HMGB1: variants seen among roughly 807,000 people sequenced by gnomAD.
The protein encoded by HMGB1 is high mobility group protein B1.
For synonymous variants in HMGB1, 81 were observed against 84.0 expected (o/e 0.96, Z 0.19); for missense variants, 79 against 253.5 (o/e 0.31, Z 4.67).
intron 1 of HMGB1, among the ~76,000 whole-genome samples, chr13:30,501,581 A>T (rs1467719328): frequency 2.0e-5 from 3 of 152,170 alleles, no homozygotes. Flanking sequence ...AATAGAAATT[A>T]AAAACTTCCA....
intron 1 of HMGB1, among the ~76,000 whole-genome samples, chr13:30,505,471 C>T (rs774732486): frequency 2.0e-5 from 3 of 152,094 alleles, no homozygotes; most frequent in South Asian, 4.1e-4. Context: ...AGCCACCGCG[C>T]CCAACCATTT....
intron 1 of HMGB1, among the ~76,000 whole-genome samples, chr13:30,565,580 TTAAC>T (rs1165026488): frequency 3.3e-5 from 5 of 152,214 alleles, no homozygotes; most frequent in African/African-American, 7.2e-5. Context: ...TTGTCAATTT[TTAAC>T]GCATAAGCAA....
At chr13:30,526,317 A>G (rs1888366179) in intron 1 of HMGB1, among the ~76,000 whole-genome samples, 1 of 152,234 alleles carries the variant, frequency 6.6e-6, no homozygotes, top group Non-Finnish European at 1.5e-5. Context: ...TCGGCCTCCC[A>G]AAGTGCTGGG....
intron 1 of HMGB1, among the ~76,000 whole-genome samples, chr13:30,604,347 A>C (rs1438251987): frequency 6.6e-6 from 1 of 152,206 alleles, no homozygotes; most frequent in Non-Finnish European, 1.5e-5. Flanking sequence ...AAGCAGAAAC[A>C]ATAGGAGGGT....
chr13:30,477,184 G>A (rs1887117460), intron 1 of HMGB1, among the ~76,000 whole-genome samples: 1 of 152,118 alleles, frequency 6.6e-6, no homozygotes, highest in Admixed American at 6.6e-5. Flanking sequence ...CACATTCTTG[G>A]CTTTCAAGGT....
chr13:30,559,452 A>G lies in HMGB1; in HGVS notation c.-15+57219T>C, dbSNP rs1291670712. ...ATTTAAATAACCTGTCAAAAGAATG[A>G]AGTGATGGAAGCCAGACTCAAACCA... On this transcript the variant is annotated intron_variant, in intron 1 of 4. Coordinates refer to the HMGB1 transcript ENST00000405805. This position sits in a 1 kb window ranked among gnomAD's most constrained non-coding sequence, Gnocchi z 6.6. Among the ~76,000 whole-genome samples the G allele has an allele frequency of 6.6e-6, 1 of 152,218 alleles. No individual in the cohort carries two copies. Among genetic ancestry groups the G allele is most frequent in the African/African-American group, 2.4e-5 (1 of 41,458 alleles).
rs193053473 is a variant in HMGB1 at position 30,495,298 on chromosome 13, A to G, written c.-14-31604T>C. ...TCTGTGTGCAATTTCAAAGTCAAAT[A>G]GGATTGTACTTCTAATGCTGTTCTG... On this transcript the variant is annotated intron_variant, in intron 1 of 4. Transcript: ENST00000405805. 1.6e-3 allele frequency among the ~76,000 whole-genome samples: 237 copies of G among 152,324 alleles called. 1 individual carries two copies. Among genetic ancestry groups the G allele is most frequent in the African/African-American group, 5.5e-3 (230 of 41,580 alleles).
chr13:30,469,457 G>C (rs139266777), upstream of HMGB1, among the ~76,000 whole-genome samples: 801 of 121,136 alleles, frequency 6.6e-3, 48 homozygotes, highest in African/African-American at 0.019. Flanking sequence ...CAAGAACTCT[G>C]TATTTTTTGT....
chr13:30,587,765 C>T (rs988705222), intron 1 of HMGB1, among the ~76,000 whole-genome samples: 3 of 152,144 alleles, frequency 2.0e-5, no homozygotes, highest in Admixed American at 2.0e-4. Flanking sequence ...TGTATCACCC[C>T]ATCATTATCA....
chr13:30,581,119 T>C (rs1870882794), intron 1 of HMGB1, among the ~76,000 whole-genome samples: 1 of 152,046 alleles, frequency 6.6e-6, no homozygotes, highest in African/African-American at 2.4e-5. Flanking sequence ...AAAGCAGACT[T>C]ACAGCAGTAG....
At chr13:30,490,082 G>A (rs1887452010) in intron 1 of HMGB1, among the ~76,000 whole-genome samples, 2 of 147,928 alleles carry the variant, frequency 1.4e-5, no homozygotes, top group Admixed American at 1.4e-4. Flanking sequence ...GATCCTGACT[G>A]TCTGCCCCAA....
At chr13:30,522,107 T>A (rs1306263615) in intron 1 of HMGB1, among the ~76,000 whole-genome samples, 1 of 84,404 alleles carries the variant, frequency 1.2e-5, no homozygotes, top group East Asian at 3.6e-4. Flanking sequence ...ATAATTATGA[T>A]ACTTTTTTTT....
At chr13:30,487,337 TG>T (rs1027423665) in intron 1 of HMGB1, among the ~76,000 whole-genome samples, 12 of 152,212 alleles carry the variant, frequency 7.9e-5, no homozygotes, top group South Asian at 2.1e-4. Flanking sequence ...AGGAGCGCCA[TG>T]AAATACTTGG....
intron 1 of HMGB1, among the ~76,000 whole-genome samples, chr13:30,490,761 C>T (rs529754798): frequency 3.9e-4 from 59 of 151,818 alleles, no homozygotes; most frequent in Middle Eastern, 3.4e-3. Flanking sequence ...CCAGCTTGGG[C>T]GACAGAATAA....
At chr13:30,560,244 A>G (rs1869890199) in intron 1 of HMGB1, among the ~76,000 whole-genome samples, 1 of 152,228 alleles carries the variant, frequency 6.6e-6, no homozygotes, top group Non-Finnish European at 1.5e-5. Flanking sequence ...AGGGTCATGT[A>G]AGTCAAAGCA....
chr13:30,516,035 C>A (rs945724028), intron 1 of HMGB1, among the ~76,000 whole-genome samples: 1 of 152,174 alleles, frequency 6.6e-6, no homozygotes, highest in Middle Eastern at 3.2e-3. Flanking sequence ...CCCCTCACCC[C>A]CGGAGATTTA....
At chr13:30,463,910 C>T (rs1886525647) in intron 1 of HMGB1, 2 of 459,104 alleles carry the variant, frequency 4.4e-6, no homozygotes, top group African/African-American at 2.0e-5. Context: ...TCCTTCAGGG[C>T]GATCTCAAAA....
intron 1 of HMGB1, among the ~76,000 whole-genome samples, chr13:30,494,570 A>G (rs1454014091): frequency 6.6e-6 from 1 of 152,184 alleles, no homozygotes; most frequent in Non-Finnish European, 1.5e-5. Flanking sequence ...CATGTTGGTC[A>G]GGCTGGTCTC....
In HMGB1 at chr13:30,465,823, G is replaced by A; in HGVS notation, c.-42C>T. ...TCAGCGAGGCACAGAGTCGCCCAGT[G>A]CCCGTCCGGCTCTCACTTGCCCCGG... is the stretch of plus-strand genomic sequence containing the variant. On this transcript the variant is annotated 5_prime_UTR_variant, in exon 1 of 5. Transcript: ENST00000341423. 1 of 985,628 alleles carries A rather than the reference G, an allele frequency of 1.0e-6. No homozygotes were observed. The allele number at this position is 985,628 out of a possible 1,614,324, so 61.1% of individuals were successfully genotyped here.
Sources: gnomAD v4.1 joint callset for allele counts (sites outside exome capture counted in the v4.1 genomes callset) on GRCh38, gnomAD v4.1.1 for gene constraint, Gnocchi (gnomAD v3.1) non-coding constraint, MANE v1.5 for transcripts, NCBI Gene and HGNC (gene_info 2026-07-23, HGNC 2026-07-21) for gene names.